CTR9: variants seen among roughly 807,000 people sequenced by gnomAD.
CTR9 encodes CTR9 component of Paf1/RNA polymerase II complex.
In CTR9, 41 loss-of-function variants were observed where a neutral mutation model predicts 152.1. The observed-to-expected ratio is 0.27, with a 90% CI of 0.21 to 0.35. The LOEUF is 0.35. Among genes scored for constraint, CTR9 ranks in the 10% least tolerant of loss-of-function variants. CTR9 has a pLI of 1.00. For missense variants in CTR9, 917 were observed against 1,424.4 expected, an observed-to-expected ratio of 0.64 and a Z score of 5.73; for synonymous variants, 476 against 496.2, an observed-to-expected ratio of 0.96 and a Z score of 0.54.
At chr11:10,774,960 A>G (rs1310786644) in intron 22 of CTR9, among the ~76,000 whole-genome samples, 2 of 152,206 alleles carry the variant, frequency 1.3e-5, no homozygotes, top group East Asian at 3.8e-4. Flanking sequence ...CAAGATTCAA[A>G]TGCAAATTAA....
chr11:10,775,038 G>A (rs918594695), intron 22 of CTR9, among the ~76,000 whole-genome samples, 169 bp from the exon 23 acceptor site: 14 of 152,158 alleles, frequency 9.2e-5, no homozygotes, highest in Non-Finnish European at 1.3e-4. Context: ...TCTGAGCCAC[G>A]TGCAGCAAGA....
Position 10,778,811 on chromosome 11 carries a change from A to G in CTR9, c.3228A>G (p.Pro1076=), listed in dbSNP as rs965758823. Residue 1076 remains proline (P), a synonymous_variant, in exon 25 of 25, where the codon CCA becomes CCG. Coordinates refer to ENST00000361367, the MANE Select transcript of CTR9 (RefSeq NM_014633.5). ...SGSEAGSPRR[P]RRQRSDQDSD... is the part of the protein sequence containing the mutation. Reference sequence around the variant, plus strand: ...GCGAGGCCGGCAGTCCCCGGAGGCCACGAAGACAGCGGTCAGATCAGGACT... The same window carrying G: ...GCGAGGCCGGCAGTCCCCGGAGGCCGCGAAGACAGCGGTCAGATCAGGACT... 8.7e-6 allele frequency: 14 copies of G among 1,614,118 alleles called. No individual in the cohort carries two copies. The highest frequency in any genetic ancestry group is 1.2e-5 in the Non-Finnish European group (14 of 1,180,046).
chr11:10,773,601 A>T (rs946664066), intron 21 of CTR9, among the ~76,000 whole-genome samples: 8 of 152,242 alleles, frequency 5.3e-5, no homozygotes, highest in African/African-American at 1.9e-4. Context: ...AAGATCCTTC[A>T]TTTGGGCCGG....
At chr11:10,763,999 T>C in intron 9 of CTR9, 113 bp from the exon 10 acceptor site, 1 of 1,343,252 alleles carries the variant, frequency 7.4e-7, no homozygotes, top group Non-Finnish European at 1.0e-6. Context: ...CTGAGCTTGT[T>C]CCAGTTTAGA....
At chr11:10,774,695 C>A (rs1863202668) in intron 22 of CTR9, among the ~76,000 whole-genome samples, 1 of 152,238 alleles carries the variant, frequency 6.6e-6, no homozygotes. Context: ...TTGGCCCTCT[C>A]TTGTTGTGCT....
chr11:10,771,440 T>G (rs1863141525), intron 18 of CTR9, 105 bp from the exon 19 acceptor site: 1 of 767,924 alleles, frequency 1.3e-6, no homozygotes, highest in Non-Finnish European at 2.2e-6. Flanking sequence ...TCAGTCAATA[T>G]GCAAACCTTT....
At position 10,778,809 on chromosome 11, in the gene CTR9, C is replaced by T. The variant is rs1051989284; in HGVS notation, c.3226C>T (p.Pro1076Ser). 2 of 1,614,110 alleles carry T rather than the reference C, an allele frequency of 1.2e-6. No homozygotes were observed. Among genetic ancestry groups the T allele is most frequent in the African/African-American group, 2.7e-5 (2 of 74,924 alleles). Residue 1076 changes from proline to serine, a missense_variant, in exon 25 of 25, where the codon CCA becomes TCA. Physicochemically the swap from Pro to Ser is moderately conservative, Grantham distance 74. This residue lies in a region of CTR9 where 384 missense variants were observed against 398.4 expected (regional missense o/e 0.96). Coordinates refer to ENST00000361367, the MANE Select transcript of CTR9 (RefSeq NM_014633.5). ...CAGCGAGGCCGGCAGTCCCCGGAGGCCACGAAGACAGCGGTCAGATCAGGA... is the reference window on the plus strand; with the variant it reads ...CAGCGAGGCCGGCAGTCCCCGGAGGTCACGAAGACAGCGGTCAGATCAGGA... ...SGSEAGSPRRPRRQRSDQDSD... is the reference protein window; with the variant it reads ...SGSEAGSPRRSRRQRSDQDSD...
chr11:10,756,929 G>T, intron 5 of CTR9, 91 bp downstream of exon 5: 2 of 879,788 alleles, frequency 2.3e-6, no homozygotes, highest in Non-Finnish European at 3.7e-6. Flanking sequence ...GTTATGAAAA[G>T]ATATTGTTGG....
In CTR9 at chr11:10,764,208, T is replaced by G. The variant is rs777468958; in HGVS notation, c.1284+7T>G. 6.2e-7 allele frequency: 1 copy of G among 1,613,694 alleles called. No individual in the cohort carries two copies. The highest frequency in any genetic ancestry group is 8.5e-7 in the Non-Finnish European group (1 of 1,179,592). The stretch of plus-strand genomic sequence containing the variant: ...AGAACAGACTGATATACAGGTATTT[T>G]AGTAATGTTTTTTAATCTCTCATAT... On this transcript the variant is annotated splice_region_variant and intron_variant, in intron 10 of 24. Transcript: ENST00000361367.
intron 2 of CTR9, among the ~76,000 whole-genome samples, chr11:10,753,652 T>A (rs536461951): frequency 4.7e-5 from 7 of 149,956 alleles, no homozygotes; most frequent in East Asian, 1.9e-4. Context: ...ACATTTTTTT[T>A]AAAACCAGAT....
At position 10,751,331 on chromosome 11, in the gene CTR9, C is replaced by T; in HGVS notation, c.-82C>T. On this transcript the variant is annotated 5_prime_UTR_variant, in exon 1 of 25. Transcript: ENST00000361367. ...GTCAAGACCAGAGCCGGAGCCGTCA[C>T]TCACCTCTGGATTAGCCTGAAGCGG... 3 of 1,464,066 alleles carry T rather than the reference C, an allele frequency of 2.0e-6. No homozygotes were observed. The highest frequency in any genetic ancestry group is 3.4e-5 in the Admixed American group (2 of 59,528). 90.7% of individuals were successfully genotyped at this position (1,464,066 alleles called of 1,614,324 possible).
In CTR9 at chr11:10,751,380, G is replaced by A; in HGVS notation, c.-33G>A. On this transcript the variant is annotated 5_prime_UTR_variant, in exon 1 of 25. Coordinates refer to ENST00000361367, the MANE Select transcript of CTR9 (RefSeq NM_014633.5). Reference sequence around the variant, plus strand: ...GGAGACTACCGGCTGCGGAGCGGCGGGGCGAGACACTTGCTCGCCTTTTGA... The same window carrying A: ...GGAGACTACCGGCTGCGGAGCGGCGAGGCGAGACACTTGCTCGCCTTTTGA... The A allele has an allele frequency of 6.2e-7, 1 of 1,603,656 alleles. No individual in the cohort carries two copies. Among genetic ancestry groups the A allele is most frequent in the Non-Finnish European group, 8.5e-7 (1 of 1,175,940 alleles).
rs1863031688 is a variant in CTR9 at position 10,764,654 on chromosome 11, A to G, written c.1520A>G (p.Tyr507Cys). The G allele has an allele frequency of 1.9e-6, 3 of 1,613,434 alleles. No homozygotes were observed. The highest frequency in any genetic ancestry group is 1.7e-5 in the Admixed American group (1 of 59,990). The change falls in exon 12 of 25, where the codon TAT (tyrosine) becomes TGT (cysteine). Residue 507 changes from tyrosine (Y) to cysteine (C), a missense_variant. This residue lies in a region of CTR9 where 133 missense variants were observed against 244.1 expected (regional missense o/e 0.54). Transcript: ENST00000361367. ...VTTSYNLARL[Y>C]EAMCEFHEAE... ...ACGTCATATAATCTCGCCAGGCTATATGAGGCGATGTGTGAATTCCATGAA... is the reference window on the plus strand; with the variant it reads ...ACGTCATATAATCTCGCCAGGCTATGTGAGGCGATGTGTGAATTCCATGAA...
In CTR9 at chr11:10,764,338, C is replaced by G. The variant is rs1377979235; in HGVS notation, c.1315C>G (p.Arg439Gly). The G allele has an allele frequency of 3.7e-6, 6 of 1,613,936 alleles. No homozygotes were observed. The change falls in exon 11 of 25, where the codon CGA becomes GGA. Residue 439 changes from arginine to glycine, a missense_variant. Arg to Gly is a moderately radical substitution (Grantham distance 125). Around this residue, in one of 9 missense-constraint regions of CTR9, gnomAD observed 133 missense variants for 244.1 expected, o/e 0.54. Coordinates refer to ENST00000361367, the MANE Select transcript of CTR9 (RefSeq NM_014633.5). ...GALSAYGTATRILQEKVQADV... is the reference protein window; with the variant it reads ...GALSAYGTATGILQEKVQADV... The stretch of plus-strand genomic sequence containing the variant: ...CCTTTCAGCCTATGGAACAGCAACA[C>G]GAATCCTTCAGGAGAAAGTGCAGGC...
chr11:10,752,123 G>A (rs1025240402), intron 1 of CTR9, among the ~76,000 whole-genome samples: 2 of 152,022 alleles, frequency 1.3e-5, no homozygotes, highest in African/African-American at 4.8e-5. Flanking sequence ...ATAATATTGA[G>A]GTATAAAATT....
At chr11:10,768,276 GA>G (rs2135375501) in intron 15 of CTR9, 66 bp from the exon 16 acceptor site, 2 of 1,574,440 alleles carry the variant, frequency 1.3e-6, no homozygotes, top group Non-Finnish European at 1.7e-6. Flanking sequence ...TTTTAAAATA[GA>G]ATTTTTAGTT....
chr11:10,758,953 C>G (rs1862930647), intron 5 of CTR9, among the ~76,000 whole-genome samples: 1 of 152,140 alleles, frequency 6.6e-6, no homozygotes, highest in African/African-American at 2.4e-5. Flanking sequence ...CATTTGGAGT[C>G]AGTACTTTTC....
chr11:10,769,174 A>T (rs1057029283), intron 16 of CTR9, among the ~76,000 whole-genome samples: 20 of 152,236 alleles, frequency 1.3e-4, no homozygotes, highest in African/African-American at 4.3e-4. Context: ...GTAAGCCAAG[A>T]TCCTGCCACT....
At position 10,755,708 on chromosome 11, in the gene CTR9, C is replaced by T. The variant is rs1401080126; in HGVS notation, c.415C>T (p.Leu139=). ...NHLLGRACFC[L]LEGDKMDQAD... is the part of the protein sequence containing the mutation. ...TTTGTTGGGAAGAGCCTGCTTCTGC[C>T]TACTTGAGGGTGACAAAATGGATCA... The change falls in exon 4 of 25, where the codon CTA becomes TTA. Residue 139 remains leucine (L), a synonymous_variant. Transcript: ENST00000361367. The T allele has an allele frequency of 1.2e-6, 2 of 1,612,846 alleles. No individual in the cohort carries two copies. Among genetic ancestry groups the T allele is most frequent in the South Asian group, 2.2e-5 (2 of 91,000 alleles).
Sources: allele counts gnomAD v4.1 joint callset (sites outside exome capture counted in the v4.1 genomes callset), GRCh38; gene constraint gnomAD v4.1.1; regional missense constraint gnomAD v4.1.1; transcripts MANE v1.5; gene names NCBI Gene and HGNC (gene_info 2026-07-23, HGNC 2026-07-21).